Variants in UBE2U observed in about 807,000 individuals in gnomAD.
UBE2U encodes the protein ubiquitin-conjugating enzyme E2 U.
In UBE2U, 39 loss-of-function variants were observed where a neutral mutation model predicts 41.2. The observed-to-expected ratio is 0.95, with a 90% CI of 0.73 to 1.24. The LOEUF (loss-of-function observed/expected upper bound fraction) is 1.24. UBE2U is among the 50% of genes most tolerant of loss of function. UBE2U has a pLI of 0.00. For missense variants in UBE2U, 336 were observed against 363.1 expected (o/e 0.93, Z 0.61); for synonymous variants, 107 against 117.8 (o/e 0.91, Z 0.60).
chr1:64,209,940 G>A (rs973298239), intron 3 of UBE2U, among the ~76,000 whole-genome samples: 2 of 152,152 alleles, frequency 1.3e-5, no homozygotes, highest in East Asian at 1.9e-4. Context: ...CTTATTTTGT[G>A]ACTCGTATGA....
In UBE2U at chr1:64,210,777, T is replaced by C. The variant is rs770646556; in HGVS notation, c.277T>C (p.Leu93=). The C allele has an allele frequency of 5.1e-5, 82 of 1,605,788 alleles. No individual in the cohort carries two copies. Among genetic ancestry groups the C allele is most frequent in the Non-Finnish European group, 6.4e-5 (75 of 1,175,002 alleles). The change falls in exon 4 of 10, where the codon TTG becomes CTG. Residue 93 remains leucine (L), a synonymous_variant. Transcript: ENST00000371077. The stretch of plus-strand genomic sequence containing the variant: ...CACTGGTCAGCCCTGTATAGACTTT[T>C]TGGACAACCCTGAGAAGTGGAATAC... ...PHTGQPCIDF[L]DNPEKWNTNY... is the part of the protein sequence containing the mutation.
intron 6 of UBE2U, among the ~76,000 whole-genome samples, chr1:64,230,100 C>CA (rs754781534): frequency 8.6e-4 from 131 of 152,248 alleles, no homozygotes; most frequent in Non-Finnish European, 1.2e-3. Context: ...ATCAGGCAAC[C>CA]AACCAGTCCA....
chr1:64,214,917 A>G lies in UBE2U; in HGVS notation c.442A>G (p.Asn148Asp). 1 of 1,613,866 alleles carries G rather than the reference A, an allele frequency of 6.2e-7. No homozygotes were observed. The highest frequency in any genetic ancestry group is 8.5e-7 in the Non-Finnish European group (1 of 1,179,732). ...GTACAGAACAATTCTAAGACTTTTCAACAGGCCATTACAAAGTAAGAAGTA... is the reference window on the plus strand; with the variant it reads ...GTACAGAACAATTCTAAGACTTTTCGACAGGCCATTACAAAGTAAGAAGTA... ...SLYRTILRLF[N>D]RPLQMKDDSQ... Residue 148 changes from asparagine (N) to aspartate (D), a missense_variant, in exon 5 of 10, where the codon AAC (asparagine) becomes GAC (aspartate). Coordinates refer to ENST00000371077, the MANE Select transcript of UBE2U (RefSeq NM_001366232.2).
At position 64,221,310 on chromosome 1, in the gene UBE2U, A is replaced by G. The variant is rs41285398; in HGVS notation, c.506+403A>G. Among the ~76,000 whole-genome samples, 1,053 of 152,192 alleles carry G rather than the reference A, an allele frequency of 6.9e-3. 6 individuals carry two copies. Among genetic ancestry groups the G allele is most frequent in the Non-Finnish European group, 0.012 (788 of 68,002 alleles). The stretch of plus-strand genomic sequence containing the variant: ...GTATTTTTAGTAGAGATGGGGTTTC[A>G]CCATGTTGGTCAGGCTAGTCTTGAA... On this transcript the variant is annotated intron_variant, in intron 6 of 9. Coordinates refer to ENST00000371077, the MANE Select transcript of UBE2U (RefSeq NM_001366232.2).
chr1:64,214,194 G>C (rs1325720213), intron 4 of UBE2U, among the ~76,000 whole-genome samples: 1 of 152,164 alleles, frequency 6.6e-6, no homozygotes, highest in African/African-American at 2.4e-5. Flanking sequence ...TGCATTGATG[G>C]AAATGTCCAA....
At chr1:64,266,660 CT>C (rs1645259871) in intron 9 of UBE2U, among the ~76,000 whole-genome samples, 1 of 152,184 alleles carries the variant, frequency 6.6e-6, no homozygotes. Flanking sequence ...CCTTCTCTGT[CT>C]AACAAACTGG....
At chr1:64,239,373 T>A (rs1644793667) in intron 7 of UBE2U, among the ~76,000 whole-genome samples, 1 of 152,244 alleles carries the variant, frequency 6.6e-6, no homozygotes, top group Admixed American at 6.5e-5. Context: ...TAGGGTTTTT[T>A]TTAATTATTA....
chr1:64,230,728 A>T (rs956607273), intron 6 of UBE2U, among the ~76,000 whole-genome samples: 1 of 152,182 alleles, frequency 6.6e-6, no homozygotes, highest in Non-Finnish European at 1.5e-5. Context: ...GTATTCTCCA[A>T]ATGTCTCCGT....
chr1:64,208,251 A>T (rs1651428026), intron 3 of UBE2U, among the ~76,000 whole-genome samples: 1 of 152,192 alleles, frequency 6.6e-6, no homozygotes, highest in Admixed American at 6.5e-5. Context: ...CCGTAATACC[A>T]TGTTTATAAA....
intron 6 of UBE2U, among the ~76,000 whole-genome samples, chr1:64,222,988 C>G (rs548917267): frequency 6.6e-4 from 100 of 152,250 alleles, no homozygotes; most frequent in African/African-American, 2.4e-3. Context: ...TGAACTTGTG[C>G]TAGTCATCTG....
At chr1:64,217,842 T>A (rs1652132421) in intron 5 of UBE2U, among the ~76,000 whole-genome samples, 2 of 152,208 alleles carry the variant, frequency 1.3e-5, no homozygotes, top group Admixed American at 6.5e-5. Context: ...ATATACTTTT[T>A]AAAAACCTGA....
Position 64,216,530 on chromosome 1 carries a change from G to A in UBE2U, c.457+1598G>A, listed in dbSNP as rs115414377. On this transcript the variant is annotated intron_variant, in intron 5 of 9. Coordinates refer to ENST00000371077, the MANE Select transcript of UBE2U (RefSeq NM_001366232.2). ...CATAGGACAAACACTGAAGTTACAC[G>A]TCAGTCATACTTTCCCGGGCCTGCT... 5.2e-3 allele frequency among the ~76,000 whole-genome samples: 786 copies of A among 152,320 alleles called. 12 individuals are homozygous for A. Among genetic ancestry groups the A allele is most frequent in the African/African-American group, 0.017 (721 of 41,576 alleles).
At chr1:64,229,062 T>C (rs1653098087) in intron 6 of UBE2U, among the ~76,000 whole-genome samples, 1 of 152,052 alleles carries the variant, frequency 6.6e-6, no homozygotes, top group Non-Finnish European at 1.5e-5. Flanking sequence ...GGTTTCACCA[T>C]GTTGGCCAGG....
At chr1:64,252,846 T>G (rs1356167984) in intron 8 of UBE2U, among the ~76,000 whole-genome samples, 1 of 152,220 alleles carries the variant, frequency 6.6e-6, no homozygotes. Flanking sequence ...AAAGCCAGCA[T>G]GTCTATTCTC....
At chr1:64,214,725 T>C (rs1488374649) in intron 4 of UBE2U, 90 bp from the exon 5 acceptor site, 1 of 903,824 alleles carries the variant, frequency 1.1e-6, no homozygotes, top group African/African-American at 1.7e-5. Context: ...ATTTAATACA[T>C]GCTTATTGAA....
chr1:64,253,462 A>T (rs932890197), intron 8 of UBE2U, among the ~76,000 whole-genome samples: 3 of 152,164 alleles, frequency 2.0e-5, no homozygotes, highest in Admixed American at 6.6e-5. Context: ...ACACATAATC[A>T]TCAGATTCTC....
At chr1:64,204,251 C>A in intron 1 of UBE2U, 135 bp downstream of exon 1, 2 of 635,772 alleles carry the variant, frequency 3.1e-6, no homozygotes, top group South Asian at 2.7e-5. Flanking sequence ...TTAATAAATC[C>A]ATTTCACTGA....
intron 9 of UBE2U, among the ~76,000 whole-genome samples, chr1:64,265,167 C>T (rs1645237790): frequency 6.6e-6 from 1 of 152,094 alleles, no homozygotes. Flanking sequence ...AAGATGAAGA[C>T]AACACCTCAG....
At position 64,266,871 on chromosome 1, in the gene UBE2U, T is replaced by C. The variant is rs140836599; in HGVS notation, c.770-153T>C. On this transcript the variant is annotated intron_variant, in intron 9 of 9. Coordinates refer to ENST00000371077, the MANE Select transcript of UBE2U (RefSeq NM_001366232.2). ...ATGATTTTTGACAAATAAAGTTACT[T>C]ACAAAACATGAAGTTTAGAAAGTGT... The C allele has an allele frequency of 7.5e-6, 5 of 667,688 alleles. No individual in the cohort carries two copies. In the Admixed American group the frequency reaches 1.7e-4, roughly 23 times the overall value. The allele number at this position is 667,688 out of a possible 1,614,324, so 41.4% of individuals were successfully genotyped here. A position where few individuals can be genotyped will look rare whatever the true frequency, so the allele number is the denominator to read the frequency against.
Sources: gnomAD v4.1 joint callset for allele counts (sites outside exome capture counted in the v4.1 genomes callset) on GRCh38, gnomAD v4.1.1 for gene constraint, MANE v1.5 for transcripts, NCBI Gene and HGNC (gene_info 2026-07-23, HGNC 2026-07-21) for gene names.